Variants in FAAP20 observed in about 807,000 individuals in gnomAD.
FAAP20 encodes FA core complex associated protein 20.
In FAAP20, 12 loss-of-function variants were observed where a neutral mutation model predicts 16.2. The ratio of observed to expected loss-of-function variants is 0.74; its 90% CI spans 0.48 to 1.20. The LOEUF (loss-of-function observed/expected upper bound fraction) is 1.20, where lower values mean the gene tolerates loss of function less well. Among genes scored for constraint, FAAP20 ranks in the 50% most tolerant of loss-of-function variants. The pLI is 0.00. For missense variants in FAAP20, 288 were observed against 245.8 expected (o/e 1.17, Z -1.15); for synonymous variants, 141 against 110.7 (o/e 1.27, Z -1.72).
chr1:2,209,619 C>T (rs541078419), downstream of FAAP20, among the ~76,000 whole-genome samples: 1 of 152,250 alleles, frequency 6.6e-6, no homozygotes, highest in Non-Finnish European at 1.5e-5. Flanking sequence ...TCCCGTGGGG[C>T]TCAGCGGGGA....
chr1:2,207,935 T>C (rs964356329), downstream of FAAP20, among the ~76,000 whole-genome samples: 172 of 151,562 alleles, frequency 1.1e-3, 3 homozygotes, highest in East Asian at 0.019. Flanking sequence ...TGTGTGTGTG[T>C]GTGTGTGTGT....
At chr1:2,192,959 C>T in intron 3 of FAAP20, 1 of 1,303,978 alleles carries the variant, frequency 7.7e-7, no homozygotes. Flanking sequence ...CTTCGCATTC[C>T]CGAGCTGTTT....
chr1:2,189,011 G>GAAAAAAAAAAAA (rs71578368), downstream of FAAP20, among the ~76,000 whole-genome samples: 1 of 105,906 alleles, frequency 9.4e-6, no homozygotes, highest in Non-Finnish European at 2.0e-5. Flanking sequence ...TCTCAAAAAA[G>GAAAAAAAAAAAA]AAAAAAAAAA....
rs938964526 is a variant in FAAP20, at chr1:2,194,697, G to C, written c.53C>G (p.Pro18Arg). ...RLGLSRRRPRPAGGPSGGRPW... is the reference protein window; with the variant it reads ...RLGLSRRRPRRAGGPSGGRPW... ...CGGCTCCCGGCCTCACCCGCCCGCC[G>C]GGCGCGGCCTCCGGCGGCTCAACCC... The change falls in exon 1 of 4, where the codon CCG becomes CGG. Residue 18 changes from proline to arginine, a missense_variant. Physicochemically the swap from Pro to Arg is moderately radical, Grantham distance 103 (BLOSUM62 -2). Transcript: ENST00000378546. 3 of 1,162,314 alleles carry C rather than the reference G, an allele frequency of 2.6e-6. No homozygotes were observed. Among genetic ancestry groups the C allele is most frequent in the African/African-American group, 1.7e-5 (1 of 60,324 alleles). The allele number at this position is 1,162,314 out of a possible 1,614,324, so 72.0% of individuals were successfully genotyped here. A position where few individuals can be genotyped will look rare whatever the true frequency, so the allele number is the denominator to read the frequency against.
At chr1:2,194,658 G>T in intron 1 of FAAP20, 30 bp downstream of exon 1, 1 of 1,107,438 alleles carries the variant, frequency 9.0e-7, no homozygotes, top group Non-Finnish European at 1.1e-6. Context: ...GGGAAAACCG[G>T]CCGCGCCCCC....
chr1:2,208,466 C>T (rs1023350808), downstream of FAAP20, among the ~76,000 whole-genome samples: 13 of 152,174 alleles, frequency 8.5e-5, no homozygotes, highest in African/African-American at 2.9e-4. Context: ...TTACTCATGG[C>T]GACAAGAGCC....
intron 3 of FAAP20, chr1:2,190,246 T>C (rs1386865501): frequency 2.2e-6 from 1 of 457,400 alleles, no homozygotes; most frequent in South Asian, 1.5e-5. Context: ...TTGGTGTTTC[T>C]GGCGAGGAGG....
downstream of FAAP20, among the ~76,000 whole-genome samples, chr1:2,189,261 G>A (rs1240398623): frequency 3.3e-5 from 5 of 150,088 alleles, no homozygotes. Context: ...AAGCCCAGGA[G>A]TCTGAGGCTG....
chr1:2,206,830 C>CAA (rs57221891), intron 1 of FAAP20, among the ~76,000 whole-genome samples: 24,809 of 89,372 alleles, frequency 0.28, 3,220 homozygotes, highest in Admixed American at 0.38. Context: ...GAGACTGTCT[C>CAA]AAAAAAAAAA....
chr1:2,209,230 C>T (rs1031800402), downstream of FAAP20, among the ~76,000 whole-genome samples: 6 of 152,294 alleles, frequency 3.9e-5, no homozygotes, highest in East Asian at 1.9e-4. Context: ...CAGGCCTTTG[C>T]GCTGCTGGCC....
upstream of FAAP20, chr1:2,199,755 G>A (rs1688971982): frequency 5.4e-6 from 3 of 554,152 alleles, no homozygotes; most frequent in Admixed American, 1.3e-4. The surrounding 1 kb of genome is among the most constrained non-coding windows in gnomAD (Gnocchi z 4.5). Context: ...GGTTGGCCCT[G>A]AATGCAGTGT....
upstream of FAAP20, among the ~76,000 whole-genome samples, chr1:2,201,742 G>A (rs1194676539): frequency 6.6e-6 from 1 of 151,158 alleles, no homozygotes; most frequent in Non-Finnish European, 1.5e-5. Flanking sequence ...AAAAGTCTGG[G>A]CGCGGTGGCT....
chr1:2,192,605 G>C, intron 3 of FAAP20: 2 of 1,099,104 alleles, frequency 1.8e-6, no homozygotes, highest in Non-Finnish European at 2.2e-6. Context: ...TTTCTCCCCA[G>C]GGCTCCCAAC....
At chr1:2,188,762 TC>T (rs1380456269), downstream of FAAP20, among the ~76,000 whole-genome samples, 1 of 152,144 alleles carries the variant, frequency 6.6e-6, no homozygotes, top group East Asian at 1.9e-4. Flanking sequence ...TCCCAGCACT[TC>T]GGGAGGCCGA....
At position 2,194,031 on chromosome 1, in the gene FAAP20, G is replaced by C. The variant is rs1053398774; in HGVS notation, c.165C>G (p.His55Gln). 2 of 1,612,612 alleles carry C rather than the reference G, an allele frequency of 1.2e-6. No homozygotes were observed. The highest frequency in any genetic ancestry group is 1.3e-5 in the African/African-American group (1 of 74,894). Residue 55 changes from histidine to glutamine, a missense_variant, in exon 2 of 4, where the codon CAC becomes CAG. Transcript: ENST00000378546. ...RTVSPELILD[H>Q]EVPSLPAFPG... ...GGAAGGCGGGCAGTGAAGGCACCTCGTGATCCAGGATCAGCTCCGGGCTCA... is the reference window on the plus strand; with the variant it reads ...GGAAGGCGGGCAGTGAAGGCACCTCCTGATCCAGGATCAGCTCCGGGCTCA...
chr1:2,198,934 T>A (rs1226145564), upstream of FAAP20: 3 of 1,289,538 alleles, frequency 2.3e-6, no homozygotes, highest in African/African-American at 3.0e-5. Flanking sequence ...GACAGTTGCC[T>A]GGGAAACATC....
intron 3 of FAAP20, chr1:2,190,404 AC>A (rs2100649549): frequency 2.2e-6 from 1 of 448,244 alleles, no homozygotes; most frequent in African/African-American, 2.0e-5. Flanking sequence ...GCAGGAGAAA[AC>A]CCATCCGAGT....
chr1:2,211,137 T>A (rs897506964), downstream of FAAP20, among the ~76,000 whole-genome samples: 1 of 151,928 alleles, frequency 6.6e-6, no homozygotes, highest in African/African-American at 2.4e-5. Flanking sequence ...ATACCCCTAC[T>A]CTGGCCATCT....
chr1:2,197,627 G>C (rs1366073423), upstream of FAAP20, among the ~76,000 whole-genome samples: 1 of 152,266 alleles, frequency 6.6e-6, no homozygotes, highest in African/African-American at 2.4e-5. Flanking sequence ...CCATGGGGCA[G>C]AAGGCAGGGC....
Sources: allele counts gnomAD v4.1 joint callset (sites outside exome capture counted in the v4.1 genomes callset), GRCh38; gene constraint gnomAD v4.1.1; non-coding constraint Gnocchi (gnomAD v3.1); transcripts MANE v1.5; gene names NCBI Gene and HGNC (gene_info 2026-07-23, HGNC 2026-07-21).